TMED4: variants seen among roughly 807,000 people sequenced by gnomAD.
TMED4 encodes transmembrane p24 trafficking protein 4.
In TMED4, 19 loss-of-function variants were observed where a neutral mutation model predicts 26.5. The observed-to-expected ratio is 0.72, with a 90% CI of 0.50 to 1.05. TMED4 has a LOEUF of 1.05. Among genes scored for constraint, TMED4 ranks in the 50% least tolerant of loss-of-function variants. The pLI, the probability that TMED4 is intolerant of heterozygous loss-of-function variation, is 0.00. For missense variants in TMED4, 303 were observed against 302.5 expected (o/e 1.00, Z -0.01); for synonymous variants, 121 against 119.8 (o/e 1.01, Z -0.07).
intron 4 of TMED4, 138 bp from the exon 5 acceptor site, chr7:44,579,766 G>C: frequency 1.2e-6 from 1 of 834,766 alleles, no homozygotes; most frequent in Admixed American, 2.8e-5. Context: ...GGAGTGCTAT[G>C]GTCTCCCCAC....
chr7:44,581,024 A>T, intron 4 of TMED4, 69 bp downstream of exon 4: 1 of 1,553,354 alleles, frequency 6.4e-7, no homozygotes, highest in Non-Finnish European at 8.9e-7. Context: ...TCCCAAGCAG[A>T]AACTTGAGTA....
rs913586477 is a variant in TMED4 at position 44,581,734 on chromosome 7, G to A, written c.250C>T (p.Pro84Ser). Residue 84 changes from proline to serine, a missense_variant, in exon 2 of 5, where the codon CCC (proline) becomes TCC (serine). By Grantham distance (74) the Pro-to-Ser change is moderately conservative (BLOSUM62 -1). Transcript: ENST00000457408. The stretch of plus-strand genomic sequence containing the variant: ...AACGCCAGCCTTACCTTGCCGTCGG[G>A]GTCCTTCACTTCCACGTGCATGCCC... ...GLGMHVEVKD[P>S]DGKVVLSRQY... 3 of 1,614,224 alleles carry A rather than the reference G, an allele frequency of 1.9e-6. No individual in the cohort carries two copies. The highest frequency in any genetic ancestry group is 2.5e-6 in the Non-Finnish European group (3 of 1,180,032).
chr7:44,581,808 T>C lies in TMED4; in HGVS notation c.176A>G (p.Gln59Arg). 6.2e-7 allele frequency: 1 copy of C among 1,614,142 alleles called. No homozygotes were observed. Among genetic ancestry groups the C allele is most frequent in the Admixed American group, 1.7e-5 (1 of 60,024 alleles). ...ETMVIGNYRT[Q>R]MWDKQKEVFL... is the part of the protein sequence containing the mutation. Reference sequence around the variant, plus strand: ...GACCTCCTTCTGCTTATCCCACATCTGGGTACGATAGTTGCCTGCGGGGCA... The same window carrying C: ...GACCTCCTTCTGCTTATCCCACATCCGGGTACGATAGTTGCCTGCGGGGCA... The change falls in exon 2 of 5, where the codon CAG becomes CGG. Residue 59 changes from glutamine to arginine, a missense_variant. Physicochemically the swap from Gln to Arg is conservative, Grantham distance 43 (BLOSUM62 1). Transcript: ENST00000457408.
chr7:44,581,555 T>A lies in TMED4; in HGVS notation c.281A>T (p.Tyr94Phe). 2 of 1,614,170 alleles carry A rather than the reference T, an allele frequency of 1.2e-6. No homozygotes were observed. The highest frequency in any genetic ancestry group is 1.7e-6 in the Non-Finnish European group (2 of 1,180,032). ...GAACGTGAAGCGGCCCTCCGAGCCG[T>A]ACTGCCGGGACAGCACCACCTGCAA... ...PDGKVVLSRQ[Y>F]GSEGRFTFTS... Residue 94 changes from tyrosine (Y) to phenylalanine (F), a missense_variant, in exon 3 of 5, where the codon TAC becomes TTC. By Grantham distance (22) the Tyr-to-Phe change is conservative. Coordinates refer to ENST00000457408, the MANE Select transcript of TMED4 (RefSeq NM_182547.4).
Position 44,579,456 on chromosome 7 carries a change from G to T in TMED4, c.*23C>A. The stretch of plus-strand genomic sequence containing the variant: ...AAGTACCAAATAAATGAGGTAAAAA[G>T]GAAGGGTCATACAAAGAGGGCACTA... On this transcript the variant is annotated 3_prime_UTR_variant, in exon 5 of 5. Coordinates refer to ENST00000457408, the MANE Select transcript of TMED4 (RefSeq NM_182547.4). 1 of 1,603,104 alleles carries T rather than the reference G, an allele frequency of 6.2e-7. No homozygotes were observed. The highest frequency in any genetic ancestry group is 8.5e-7 in the Non-Finnish European group (1 of 1,172,344).
intron 1 of TMED4, 72 bp downstream of exon 1, chr7:44,581,975 G>A: frequency 6.6e-7 from 1 of 1,522,678 alleles, no homozygotes. Context: ...ACCCGGCTGG[G>A]CTCGGGAGGA....
intron 3 of TMED4, 60 bp downstream of exon 3, chr7:44,581,389 A>G: frequency 1.2e-6 from 2 of 1,612,022 alleles, no homozygotes; most frequent in Non-Finnish European, 1.7e-6. Context: ...ATCTTGATAA[A>G]TCAAAATTTG....
chr7:44,581,382 T>A, intron 3 of TMED4, 67 bp downstream of exon 3: 1 of 1,611,566 alleles, frequency 6.2e-7, no homozygotes, highest in Non-Finnish European at 8.5e-7. Context: ...TTTCACAATC[T>A]TGATAAATCA....
chr7:44,581,848 ACCGGCCCTAGTGGGCCGCCTCTCCGC>A (rs775397335), intron 1 of TMED4, 25 bp from the exon 2 acceptor site: 2 of 1,612,130 alleles, frequency 1.2e-6, no homozygotes, highest in South Asian at 2.2e-5. Flanking sequence ...CATAGTCACG[ACCGGCCCTAGTGGGCCGCCTCTCCGC>A]CCGGCCCCCT....
Position 44,581,029 on chromosome 7 carries a change from T to C in TMED4, c.534+64A>G, listed in dbSNP as rs766046097. ...AGAGCTGATCTCCCAAGCAGAAACT[T>C]GAGTAGGTATAGTGGGTATAAAGGT... On this transcript the variant is annotated intron_variant, in intron 4 of 4. Transcript: ENST00000457408. 10 of 1,566,904 alleles carry C rather than the reference T, an allele frequency of 6.4e-6. No homozygotes were observed. In the African/African-American group the frequency reaches 1.2e-4, roughly 19 times the overall value.
chr7:44,579,667 C>G (rs1175568936), intron 4 of TMED4, 39 bp from the exon 5 acceptor site: 12 of 1,594,058 alleles, frequency 7.5e-6, no homozygotes, highest in Non-Finnish European at 9.4e-6. Context: ...GCAGGAGAAA[C>G]AGTCTGGCTG....
rs146632060 is a variant in TMED4 at position 44,580,787 on chromosome 7, A to T, written c.534+306T>A. 1,759 of 263,150 alleles carry T rather than the reference A, an allele frequency of 6.7e-3. 32 individuals are homozygous for T. Among genetic ancestry groups the T allele is most frequent in the African/African-American group, 0.037 (1,625 of 44,406 alleles). The allele number at this position is 263,150 out of a possible 1,614,324, so 16.3% of individuals were successfully genotyped here. A position where few individuals can be genotyped will look rare whatever the true frequency, so the allele number is the denominator to read the frequency against. On this transcript the variant is annotated intron_variant, in intron 4 of 4. Coordinates refer to ENST00000457408, the MANE Select transcript of TMED4 (RefSeq NM_182547.4). ...CGTGGAGAAACCCCCGTCTCTACTA[A>T]AAGTACAAAATTAGCCAGGCATGGT...
At position 44,581,504 on chromosome 7, in the gene TMED4, T is replaced by C. The variant is rs779576186; in HGVS notation, c.332A>G (p.Gln111Arg). The C allele has an allele frequency of 5.6e-6, 9 of 1,614,204 alleles. No individual in the cohort carries two copies. Among genetic ancestry groups the C allele is most frequent in the Middle Eastern group, 1.6e-4 (1 of 6,062 alleles). The change falls in exon 3 of 5, where the codon CAA becomes CGA. Residue 111 changes from glutamine to arginine, a missense_variant. Gln to Arg is a conservative substitution (Grantham distance 43). Transcript: ENST00000457408. ...GGTAGAATTGGAGTGCAGACAGATT[T>C]GATGGTCACCGGGCGTGTGGGAGGT... ...TFTSHTPGDH[Q>R]ICLHSNSTRM...
chr7:44,581,126 C>T lies in TMED4; in HGVS notation c.501G>A (p.Val167=). ...QLRARQLLDQ[V]EQIQKEQDYQ... ...AATCCTGCTCCTTCTGAATCTGTTCCACCTGATCAAGCAACTGGCGGGCGC... is the reference window on the plus strand; with the variant it reads ...AATCCTGCTCCTTCTGAATCTGTTCTACCTGATCAAGCAACTGGCGGGCGC... The change falls in exon 4 of 5, where the codon GTG becomes GTA. Residue 167 remains valine (V), a synonymous_variant. Coordinates refer to ENST00000457408, the MANE Select transcript of TMED4 (RefSeq NM_182547.4). 1 of 1,614,146 alleles carries T rather than the reference C, an allele frequency of 6.2e-7. No homozygotes were observed. Among genetic ancestry groups the T allele is most frequent in the East Asian group, 2.2e-5 (1 of 44,876 alleles).
Position 44,581,713 on chromosome 7 carries a change from C to T in TMED4, c.261+10G>A. On this transcript the variant is annotated intron_variant, in intron 2 of 4. Coordinates refer to ENST00000457408, the MANE Select transcript of TMED4 (RefSeq NM_182547.4). ...TGAAGAACGGCTGCGTGGGCCAACG[C>T]CAGCCTTACCTTGCCGTCGGGGTCC... 1 of 1,614,174 alleles carries T rather than the reference C, an allele frequency of 6.2e-7. No homozygotes were observed. Among genetic ancestry groups the T allele is most frequent in the Admixed American group, 1.7e-5 (1 of 60,034 alleles).
Position 44,581,696 on chromosome 7 carries a change from G to C in TMED4, c.261+27C>G, listed in dbSNP as rs986912295. 8 of 1,613,990 alleles carry C rather than the reference G, an allele frequency of 5.0e-6. No homozygotes were observed. In the East Asian group the frequency reaches 1.1e-4, roughly 22 times the overall value. ...CCCCACGGGAGCTCCACTGAAGAAC[G>C]GCTGCGTGGGCCAACGCCAGCCTTA... On this transcript the variant is annotated intron_variant, in intron 2 of 4. Coordinates refer to ENST00000457408, the MANE Select transcript of TMED4 (RefSeq NM_182547.4).
intron 4 of TMED4, chr7:44,580,834 C>T (rs370096243): frequency 5.6e-6 from 2 of 358,516 alleles, no homozygotes; most frequent in African/African-American, 4.2e-5. Flanking sequence ...GTAATCCCAG[C>T]TACTCAGGAG....
intron 4 of TMED4, 181 bp from the exon 5 acceptor site, chr7:44,579,809 C>A: frequency 2.0e-6 from 1 of 494,162 alleles, no homozygotes; most frequent in Non-Finnish European, 3.5e-6. Context: ...CAGGCTGTCC[C>A]TCCACAAGCA....
Position 44,579,430 on chromosome 7 carries a change from A to T in TMED4, c.*49T>A, listed in dbSNP as rs949406446. On this transcript the variant is annotated 3_prime_UTR_variant, in exon 5 of 5. Transcript: ENST00000457408. ...CAGGTGGATAAAGGACTGTGTGGGG[A>T]AAGTACCAAATAAATGAGGTAAAAA... 92 of 1,578,940 alleles carry T rather than the reference A, an allele frequency of 5.8e-5. No homozygotes were observed. Among genetic ancestry groups the T allele is most frequent in the Non-Finnish European group, 7.8e-5 (90 of 1,156,986 alleles).
Sources: gnomAD v4.1 joint callset for allele counts on GRCh38, gnomAD v4.1.1 for gene constraint, MANE v1.5 for transcripts, NCBI Gene and HGNC (gene_info 2026-07-23, HGNC 2026-07-21) for gene names.